Variants in MEIKIN observed in about 807,000 individuals in gnomAD.
MEIKIN encodes the protein meiotic kinetochore factor, also known as meiosis-specific kinetochore protein.
At chr5:131,819,639 GC>G (rs1485555073) in intron 11 of MEIKIN, among the ~76,000 whole-genome samples, 1 of 143,488 alleles carries the variant, frequency 7.0e-6, no homozygotes, top group Non-Finnish European at 1.5e-5. Context: ...TCATTCTGTT[GC>G]CCGGGCTGGA....
chr5:131,863,557 C>CTTTTTTTTTTTTTTTTTT lies in MEIKIN; in HGVS notation c.775-8741_775-8724dup, dbSNP rs59435888. ...TCATTATATAATGACCTTCTTTGTC[C>CTTTTTTTTTTTTTTTTTT]TTTTTTTTTTTTTTTTTTTTTTTTT... On this transcript the variant is annotated intron_variant, in intron 9 of 12. Coordinates refer to ENST00000442687, the MANE Select transcript of MEIKIN (RefSeq NM_001303622.2). Among the ~76,000 whole-genome samples, 16 of 68,434 alleles carry CTTTTTTTTTTTTTTTTTT rather than the reference C, an allele frequency of 2.3e-4. 1 individual carries two copies. The highest frequency in any genetic ancestry group is 8.6e-4 in the African/African-American group (11 of 12,836). The allele number at this position is 68,434 out of a possible 152,430, so 44.9% of individuals were successfully genotyped here.
At chr5:131,933,957 T>A (rs1388992272) in intron 4 of MEIKIN, among the ~76,000 whole-genome samples, 2 of 152,078 alleles carry the variant, frequency 1.3e-5, no homozygotes, top group Non-Finnish European at 2.9e-5. Context: ...TTTTAATTTT[T>A]TTTTTTGAGA....
At chr5:131,869,257 T>C (rs1750443338) in intron 9 of MEIKIN, among the ~76,000 whole-genome samples, 2 of 152,224 alleles carry the variant, frequency 1.3e-5, no homozygotes, top group South Asian at 4.1e-4. Context: ...TTATATTGCC[T>C]TTGCTCCTTT....
At chr5:131,819,045 T>C (rs1308939069) in intron 11 of MEIKIN, among the ~76,000 whole-genome samples, 182 bp from the exon 12 acceptor site, 1 of 152,196 alleles carries the variant, frequency 6.6e-6, no homozygotes, top group African/African-American at 2.4e-5. Flanking sequence ...GTTCATTTAA[T>C]ATTCACAAGA....
At chr5:131,861,152 A>G (rs2149619425) in intron 9 of MEIKIN, among the ~76,000 whole-genome samples, 1 of 152,168 alleles carries the variant, frequency 6.6e-6, no homozygotes, top group South Asian at 2.1e-4. Flanking sequence ...GCACTTTGGG[A>G]GGCCGAAGTG....
At chr5:131,895,006 T>C (rs1209921852) in intron 8 of MEIKIN, among the ~76,000 whole-genome samples, 1 of 152,224 alleles carries the variant, frequency 6.6e-6, no homozygotes, top group African/African-American at 2.4e-5. Context: ...TTCCAATTTT[T>C]GCCCATTCAG....
At chr5:131,891,292 G>C (rs984818939) in intron 8 of MEIKIN, among the ~76,000 whole-genome samples, 1 of 152,092 alleles carries the variant, frequency 6.6e-6, no homozygotes, top group African/African-American at 2.4e-5. Flanking sequence ...CTGTCTTGTT[G>C]ATCTGTCTAA....
In MEIKIN at chr5:131,822,200, C is replaced by CA. The variant is rs1161180047; in HGVS notation, c.976-3338dup. ...ATAGCTGAAGTGTGCTTCCTGTAGG[C>CA]AACAGATCATTGGGTCTTGTTTTCT... On this transcript the variant is annotated intron_variant, in intron 11 of 12. Transcript: ENST00000442687. 2.0e-5 allele frequency among the ~76,000 whole-genome samples: 3 copies of CA among 152,088 alleles called. No individual in the cohort carries two copies. In the East Asian group the frequency reaches 5.8e-4, roughly 29 times the overall value.
At chr5:131,816,834 C>T (rs978220630) in intron 12 of MEIKIN, among the ~76,000 whole-genome samples, 3 of 152,160 alleles carry the variant, frequency 2.0e-5, no homozygotes, top group Non-Finnish European at 4.4e-5. Context: ...GAAAAGTCAG[C>T]ACTGTAAATT....
chr5:131,902,059 C>T (rs1313458559), intron 8 of MEIKIN, among the ~76,000 whole-genome samples: 1 of 152,158 alleles, frequency 6.6e-6, no homozygotes, highest in Non-Finnish European at 1.5e-5. Context: ...TATAGTACCT[C>T]CTCCCTCTCC....
chr5:131,872,010 T>C (rs1342986122), intron 9 of MEIKIN, among the ~76,000 whole-genome samples: 2 of 151,836 alleles, frequency 1.3e-5, no homozygotes, highest in Non-Finnish European at 2.9e-5. Flanking sequence ...GTCACCATCA[T>C]CAAAGACCAA....
At chr5:131,898,205 A>C (rs1288909968) in intron 8 of MEIKIN, among the ~76,000 whole-genome samples, 1 of 152,194 alleles carries the variant, frequency 6.6e-6, no homozygotes, top group Non-Finnish European at 1.5e-5. Context: ...TCCACCTCAG[A>C]CCCTATTTGC....
At chr5:131,859,633 G>A (rs1200590484) in intron 9 of MEIKIN, among the ~76,000 whole-genome samples, 2 of 152,128 alleles carry the variant, frequency 1.3e-5, no homozygotes, top group Non-Finnish European at 2.9e-5. Flanking sequence ...CATGTTTCCT[G>A]TACAAGCTGC....
chr5:131,860,448 TG>T (rs1257743649), intron 9 of MEIKIN, among the ~76,000 whole-genome samples: 1 of 151,844 alleles, frequency 6.6e-6, no homozygotes, highest in African/African-American at 2.4e-5. Flanking sequence ...TTGTTTTTTT[TG>T]TTTGTTTGTT....
chr5:131,847,396 TATA>T (rs1398641576), intron 11 of MEIKIN, among the ~76,000 whole-genome samples: 5 of 152,160 alleles, frequency 3.3e-5, no homozygotes, highest in Middle Eastern at 6.8e-3. Flanking sequence ...CAGGGGCAGC[TATA>T]ATAATATCAG....
At chr5:131,873,351 A>C (rs1006483793) in intron 9 of MEIKIN, among the ~76,000 whole-genome samples, 6 of 152,346 alleles carry the variant, frequency 3.9e-5, no homozygotes, top group Middle Eastern at 3.4e-3. Flanking sequence ...TTGTAATCCT[A>C]GTCTCTGATA....
At chr5:131,905,695 C>T (rs368840329) in intron 8 of MEIKIN, among the ~76,000 whole-genome samples, 4 of 151,914 alleles carry the variant, frequency 2.6e-5, no homozygotes, top group African/African-American at 9.7e-5. Context: ...AATGGATAAA[C>T]ACACAGACCA....
At chr5:131,899,926 A>G (rs1751128164) in intron 8 of MEIKIN, among the ~76,000 whole-genome samples, 3 of 152,250 alleles carry the variant, frequency 2.0e-5, no homozygotes, top group African/African-American at 7.2e-5. Context: ...CAGAAAGTCA[A>G]CAAAGAAACA....
intron 11 of MEIKIN, among the ~76,000 whole-genome samples, chr5:131,834,794 C>G (rs1749773624): frequency 6.6e-6 from 1 of 152,104 alleles, no homozygotes; most frequent in South Asian, 2.1e-4. Flanking sequence ...CTTTGAGATA[C>G]CGATTTCATT....
Sources: gnomAD v4.1 joint callset for allele counts (sites outside exome capture counted in the v4.1 genomes callset) on GRCh38, gnomAD v4.1.1 for gene constraint, MANE v1.5 for transcripts, NCBI Gene and HGNC (gene_info 2026-07-23, HGNC 2026-07-21) for gene names.